MGAM2: variants seen among roughly 807,000 people sequenced by gnomAD.
The protein encoded by MGAM2 is maltase-glucoamylase 2 (putative), also known as probable maltase-glucoamylase 2.
In MGAM2, 98 loss-of-function variants were observed where a neutral mutation model predicts 96.1. That is an observed-to-expected ratio of 1.02 (90% CI 0.87 to 1.21). MGAM2 has a LOEUF of 1.21. MGAM2 is among the 50% of genes most tolerant of loss of function. The probability of loss-of-function intolerance (pLI) is 0.00; values close to 1 mark genes in which losing one functional copy is unlikely to be tolerated. For missense variants in MGAM2, 2,055 were observed against 1,182.4 expected (o/e 1.74, Z -10.82); for synonymous variants, 749 against 414.8 (o/e 1.81, Z -9.79).
At chr7:142,175,620 G>A (rs1482013105) in intron 31 of MGAM2, 32 bp from the exon 32 acceptor site, 2 of 700,646 alleles carry the variant, frequency 2.9e-6, no homozygotes, top group African/African-American at 1.7e-5. Context: ...CCTACTGCAG[G>A]GTTCCAAGAG....
At chr7:142,207,090 T>TG (rs769723291) in intron 45 of MGAM2, among the ~76,000 whole-genome samples, 6 of 152,200 alleles carry the variant, frequency 3.9e-5, no homozygotes, top group Non-Finnish European at 8.8e-5. Flanking sequence ...GTTGGAATAC[T>TG]GACAAGAGTT....
At chr7:142,180,353 C>A (rs576775057) in intron 32 of MGAM2, among the ~76,000 whole-genome samples, 2 of 151,954 alleles carry the variant, frequency 1.3e-5, no homozygotes, top group African/African-American at 4.8e-5. Flanking sequence ...TTTTGTTTAG[C>A]TCTGCTCTGA....
At chr7:142,208,283 C>G in intron 45 of MGAM2, 1 of 544,330 alleles carries the variant, frequency 1.8e-6, no homozygotes, top group African/African-American at 1.9e-5. Context: ...ACAGAATAAC[C>G]AAACAGTAGT....
chr7:142,221,487 A>G lies in MGAM2; in HGVS notation c.6976A>G (p.Thr2326Ala), dbSNP rs1223889340. 1.8e-6 allele frequency: 1 copy of G among 554,130 alleles called. No homozygotes were observed. The highest frequency in any genetic ancestry group is 3.2e-6 in the Non-Finnish European group (1 of 315,306). 34.3% of individuals were successfully genotyped at this position (554,130 alleles called of 1,614,324 possible). The change falls in exon 48 of 48, where the codon ACT becomes GCT. Residue 2326 changes from threonine (T) to alanine (A), a missense_variant. Coordinates refer to ENST00000477922, the MANE Select transcript of MGAM2 (RefSeq NM_001293626.2). ...GTTTCCAACAAGTAATACATTCACTACTGATAAAATTACTAATTTTACTAC... is the reference window on the plus strand; with the variant it reads ...GTTTCCAACAAGTAATACATTCACTGCTGATAAAATTACTAATTTTACTAC... Reference protein sequence around the residue: ...SMFPTSNTFTTDKITNFTTPT... With the variant: ...SMFPTSNTFTADKITNFTTPT...
chr7:142,149,985 A>G (rs888872766), intron 15 of MGAM2, among the ~76,000 whole-genome samples: 1 of 150,990 alleles, frequency 6.6e-6, no homozygotes, highest in Middle Eastern at 3.2e-3. Context: ...CTTGTTGCCC[A>G]GGCTGGAGTG....
chr7:142,128,029 A>C (rs1794778157), intron 3 of MGAM2, among the ~76,000 whole-genome samples: 1 of 152,116 alleles, frequency 6.6e-6, no homozygotes, highest in Non-Finnish European at 1.5e-5. Context: ...CTTCCTTGAG[A>C]CTTGTTGAAT....
intron 46 of MGAM2, among the ~76,000 whole-genome samples, chr7:142,217,883 A>G (rs1410718397): frequency 6.6e-6 from 1 of 152,116 alleles, no homozygotes. Flanking sequence ...CAGGGATTTG[A>G]GACCAGCCTG....
chr7:142,186,598 C>G (rs1027328931), intron 35 of MGAM2, among the ~76,000 whole-genome samples: 1 of 152,186 alleles, frequency 6.6e-6, no homozygotes, highest in African/African-American at 2.4e-5. Context: ...TGCCAGTTGG[C>G]CTTAAAAGCA....
chr7:142,220,799 T>G lies in MGAM2; in HGVS notation c.6288T>G (p.Ala2096=). 1.4e-6 allele frequency: 1 copy of G among 702,208 alleles called. No homozygotes were observed. Among genetic ancestry groups the G allele is most frequent in the Non-Finnish European group, 2.6e-6 (1 of 384,780 alleles). 43.5% of individuals were successfully genotyped at this position (702,208 alleles called of 1,614,324 possible). ...GTAGTACTACTGTGAGTACTATTGCTACCGTTCCCATTTCAGTGACTCCTT... is the reference window on the plus strand; with the variant it reads ...GTAGTACTACTGTGAGTACTATTGCGACCGTTCCCATTTCAGTGACTCCTT... The part of the protein sequence containing the change: ...PTSSTTVSTI[A]TVPISVTPSL... The change falls in exon 48 of 48, where the codon GCT becomes GCG. Residue 2096 remains alanine, a synonymous_variant. Coordinates refer to ENST00000477922, the MANE Select transcript of MGAM2 (RefSeq NM_001293626.2).
At chr7:142,172,340 C>A in intron 29 of MGAM2, 146 bp downstream of exon 29, 1 of 557,134 alleles carries the variant, frequency 1.8e-6, no homozygotes, top group Non-Finnish European at 3.2e-6. Context: ...CCTATTTATT[C>A]AAGATTTATT....
Position 142,197,742 on chromosome 7 carries a change from T to C in MGAM2, c.4866+14T>C. On this transcript the variant is annotated intron_variant, in intron 42 of 47. Coordinates refer to ENST00000477922, the MANE Select transcript of MGAM2 (RefSeq NM_001293626.2). ...GTGTTGGAAACTGTGAGTTCTTCAT[T>C]GTAGGTCAGAAAACCTTCAATCACA... 2 of 702,976 alleles carry C rather than the reference T, an allele frequency of 2.8e-6. No individual in the cohort carries two copies. The highest frequency in any genetic ancestry group is 5.2e-6 in the Non-Finnish European group (2 of 384,972). 43.5% of individuals were successfully genotyped at this position (702,976 alleles called of 1,614,324 possible). A position where few individuals can be genotyped will look rare whatever the true frequency, so the allele number is the denominator to read the frequency against.
Position 142,120,251 on chromosome 7 carries a change from A to T in MGAM2, c.107-51A>T. 4 of 697,730 alleles carry T rather than the reference A, an allele frequency of 5.7e-6. No individual in the cohort carries two copies. In the South Asian group the frequency reaches 6.0e-5, roughly 10 times the overall value. 43.2% of individuals were successfully genotyped at this position (697,730 alleles called of 1,614,324 possible). A position where few individuals can be genotyped will look rare whatever the true frequency, so the allele number is the denominator to read the frequency against. Reference sequence around the variant, plus strand: ...GTAACTTTGCTGGCTTCCTTCCTGGAGCTGTGATTACACTACACATTTTCA... The same window carrying T: ...GTAACTTTGCTGGCTTCCTTCCTGGTGCTGTGATTACACTACACATTTTCA... On this transcript the variant is annotated intron_variant, in intron 2 of 47. Transcript: ENST00000477922.
intron 10 of MGAM2, 103 bp downstream of exon 10, chr7:142,138,770 T>G: frequency 1.6e-6 from 1 of 614,320 alleles, no homozygotes; most frequent in East Asian, 2.8e-5. Context: ...ATCATTAGAT[T>G]GATAGACAGG....
chr7:142,186,730 T>C (rs921760143), intron 35 of MGAM2, among the ~76,000 whole-genome samples: 1 of 152,184 alleles, frequency 6.6e-6, no homozygotes, highest in Non-Finnish European at 1.5e-5. Flanking sequence ...CTAGGCCAGC[T>C]CTGAAGAGCT....
chr7:142,149,609 C>T lies in MGAM2; in HGVS notation c.1634+2036C>T, dbSNP rs1373189199. On this transcript the variant is annotated intron_variant, in intron 15 of 47. Transcript: ENST00000477922. ...AGGCTGGAGTGCAGTGGTGCGATCT[C>T]GGCTCACTGCAAGCTCCGCCTCCTG... 2.0e-5 allele frequency among the ~76,000 whole-genome samples: 3 copies of T among 151,912 alleles called. No individual in the cohort carries two copies. The South Asian group carries it at 6.2e-4, about 32-fold the overall frequency.
At chr7:142,115,198 C>T (rs1359979075) in intron 1 of MGAM2, among the ~76,000 whole-genome samples, 9 of 152,100 alleles carry the variant, frequency 5.9e-5, no homozygotes, top group Non-Finnish European at 1.3e-4. Context: ...GGGTGACACT[C>T]CGTCTGCAAA....
chr7:142,151,252 C>A (rs1047754541), intron 15 of MGAM2, among the ~76,000 whole-genome samples: 14 of 152,134 alleles, frequency 9.2e-5, no homozygotes, highest in African/African-American at 3.4e-4. Context: ...CCTAGGGGAC[C>A]TGATGACTTC....
At chr7:142,159,649 C>T (rs768473538) in intron 20 of MGAM2, among the ~76,000 whole-genome samples, 116 of 152,148 alleles carry the variant, frequency 7.6e-4, no homozygotes, top group Non-Finnish European at 1.4e-3. Context: ...GATGGCACCT[C>T]CTTGCTCCTC....
At chr7:142,219,131 C>T (rs760521002) in intron 47 of MGAM2, among the ~76,000 whole-genome samples, 1 of 152,040 alleles carries the variant, frequency 6.6e-6, no homozygotes, top group Non-Finnish European at 1.5e-5. Flanking sequence ...CCAATAGTTA[C>T]CAAAGGCAAC....
Sources: gnomAD v4.1 joint callset for allele counts (sites outside exome capture counted in the v4.1 genomes callset) on GRCh38, gnomAD v4.1.1 for gene constraint, MANE v1.5 for transcripts, NCBI Gene and HGNC (gene_info 2026-07-23, HGNC 2026-07-21) for gene names.